Variants in SAMD5 observed in about 807,000 individuals in gnomAD.
SAMD5 encodes the protein sterile alpha motif domain containing 5, also known as sterile alpha motif domain-containing protein 5.
SAMD5 carries 13 observed loss-of-function variants against 11.3 expected under a neutral mutation model. The observed-to-expected ratio is 1.15, with a 90% CI of 0.75 to 1.83. The LOEUF is 1.83. Ranked by LOEUF, SAMD5 falls within the 40% of genes most tolerant of loss-of-function variation. The pLI is 0.00. For missense variants in SAMD5, 255 were observed against 239.1 expected (o/e 1.07, Z -0.44); for synonymous variants, 129 against 111.3 (o/e 1.16, Z -1.00).
chr6:147,807,941 CA>C, the SAMD5 span, among the ~76,000 whole-genome samples: 1 of 152,144 alleles, frequency 6.6e-6, no homozygotes, highest in Non-Finnish European at 1.5e-5. Context: ...ACATTTTTAT[CA>C]TATTTTAGTG....
Position 147,565,184 on chromosome 6 carries a change from G to C in SAMD5, c.*728G>C. Reference sequence around the variant, plus strand: ...TCTGACATGCATCAAGCAAGAGCTAGCTATTTTACTTCATAGCTAGTTTCT... The same window carrying C: ...TCTGACATGCATCAAGCAAGAGCTACCTATTTTACTTCATAGCTAGTTTCT... On this transcript the variant is annotated 3_prime_UTR_variant, in exon 2 of 2. Coordinates refer to ENST00000367474, the MANE Select transcript of SAMD5 (RefSeq NM_001030060.3). 1 of 985,846 alleles carries C rather than the reference G, an allele frequency of 1.0e-6. No individual in the cohort carries two copies. The highest frequency in any genetic ancestry group is 1.2e-6 in the Non-Finnish European group (1 of 829,942). The allele number at this position is 985,846 out of a possible 1,614,324, so 61.1% of individuals were successfully genotyped here.
the SAMD5 span, among the ~76,000 whole-genome samples, chr6:147,954,328 T>A: frequency 6.6e-6 from 1 of 152,226 alleles, no homozygotes; most frequent in East Asian, 1.9e-4. Context: ...TGAGATAACG[T>A]CATGGGGTGC....
chr6:147,651,056 C>A (rs189048983), intron 1 of SAMD5, among the ~76,000 whole-genome samples: 102 of 152,214 alleles, frequency 6.7e-4, no homozygotes, highest in African/African-American at 2.0e-3. Flanking sequence ...GAAATGTATT[C>A]ATCCCCACCC....
intron 1 of SAMD5, among the ~76,000 whole-genome samples, chr6:147,726,182 A>T (rs1342464952): frequency 1.3e-5 from 2 of 152,236 alleles, no homozygotes; most frequent in African/African-American, 4.8e-5. Context: ...TCACAAATGG[A>T]AAATTATCTG....
the SAMD5 span, among the ~76,000 whole-genome samples, chr6:147,765,450 T>C: frequency 2.0e-5 from 3 of 152,132 alleles, no homozygotes; most frequent in Non-Finnish European, 4.4e-5. Context: ...TTCTCCCTCT[T>C]CAAACCCACC....
chr6:147,554,271 T>C (rs1235875899), intron 1 of SAMD5, among the ~76,000 whole-genome samples: 1 of 151,990 alleles, frequency 6.6e-6, no homozygotes, highest in East Asian at 1.9e-4. Context: ...CCATGATACA[T>C]GGGGAATTTT....
At chr6:147,857,340 C>T in the SAMD5 span, among the ~76,000 whole-genome samples, 1 of 136,594 alleles carries the variant, frequency 7.3e-6, no homozygotes, top group Non-Finnish European at 1.6e-5. Context: ...CCTGTCTGTA[C>T]CAAAAAAAAA....
chr6:147,853,779 T>A, the SAMD5 span, among the ~76,000 whole-genome samples: 1 of 152,194 alleles, frequency 6.6e-6, no homozygotes, highest in African/African-American at 2.4e-5. Flanking sequence ...TGCTTTATCA[T>A]CGTTAATGAA....
chr6:147,753,073 C>T, the SAMD5 span, among the ~76,000 whole-genome samples: 25 of 152,222 alleles, frequency 1.6e-4, no homozygotes, highest in South Asian at 5.0e-3. Flanking sequence ...GGAGTATGAC[C>T]GATTTCACTT....
intron 1 of SAMD5, among the ~76,000 whole-genome samples, chr6:147,706,142 G>A (rs1791322148): frequency 6.6e-6 from 1 of 152,060 alleles, no homozygotes; most frequent in South Asian, 2.1e-4. Flanking sequence ...GACAAGTTTT[G>A]CATTATAAGA....
At chr6:147,517,399 G>T (rs919572000) in intron 1 of SAMD5, among the ~76,000 whole-genome samples, 2 of 152,096 alleles carry the variant, frequency 1.3e-5, no homozygotes, top group African/African-American at 4.8e-5. Flanking sequence ...TCTGTACCTG[G>T]GTTTGCTTGG....
chr6:147,772,717 T>A, the SAMD5 span, among the ~76,000 whole-genome samples: 1 of 152,186 alleles, frequency 6.6e-6, no homozygotes, highest in African/African-American at 2.4e-5. Flanking sequence ...TCTTCTTACA[T>A]GGACACTAGT....
intron 1 of SAMD5, among the ~76,000 whole-genome samples, chr6:147,611,244 G>A (rs1443103309): frequency 6.6e-6 from 1 of 152,158 alleles, no homozygotes; most frequent in African/African-American, 2.4e-5. Flanking sequence ...GATGGAAAGT[G>A]CAAGAGAGGA....
the SAMD5 span, among the ~76,000 whole-genome samples, chr6:147,916,462 G>A: frequency 6.6e-6 from 1 of 152,162 alleles, no homozygotes; most frequent in East Asian, 1.9e-4. Flanking sequence ...GTGTGAGATG[G>A]TATCTCATTG....
intron 1 of SAMD5, among the ~76,000 whole-genome samples, chr6:147,678,459 C>G (rs1231561599): frequency 6.6e-6 from 1 of 152,172 alleles, no homozygotes; most frequent in Non-Finnish European, 1.5e-5. Flanking sequence ...GGCAGATTAA[C>G]TGCTGGTTTT....
intron 1 of SAMD5, among the ~76,000 whole-genome samples, chr6:147,612,256 G>C (rs1046145518): frequency 6.6e-6 from 1 of 152,154 alleles, no homozygotes; most frequent in Admixed American, 6.5e-5. Context: ...CAGAGACTGT[G>C]AGTTTGGTAC....
intron 1 of SAMD5, among the ~76,000 whole-genome samples, chr6:147,560,979 A>T (rs902510672): frequency 3.3e-5 from 5 of 152,180 alleles, no homozygotes; most frequent in African/African-American, 1.2e-4. Context: ...TCAAAGGGGG[A>T]GAATAGACTA....
the SAMD5 span, among the ~76,000 whole-genome samples, chr6:147,802,802 A>G: frequency 1.3e-5 from 2 of 152,270 alleles, no homozygotes; most frequent in African/African-American, 4.8e-5. Flanking sequence ...CGTATAGACC[A>G]TAAGACTCCA....
chr6:147,828,767 G>A, the SAMD5 span, among the ~76,000 whole-genome samples: 3 of 152,130 alleles, frequency 2.0e-5, no homozygotes, highest in Admixed American at 1.3e-4. Context: ...CTGTCCCTTT[G>A]GAGAACACTG....
Sources: allele counts gnomAD v4.1 joint callset (sites outside exome capture counted in the v4.1 genomes callset), GRCh38; gene constraint gnomAD v4.1.1; transcripts MANE v1.5; gene names NCBI Gene and HGNC (gene_info 2026-07-23, HGNC 2026-07-21).